The following AGBL1 variants were observed in gnomAD, a reference collection of about 807,000 sequenced individuals.
The protein encoded by AGBL1 is AGBL carboxypeptidase 1.
AGBL1 carries 130 observed loss-of-function variants against 118.9 expected under a neutral mutation model. The observed-to-expected ratio is 1.09, with a 90% CI of 0.95 to 1.26. The LOEUF is 1.26. AGBL1 is among the 50% of genes most tolerant of loss of function. The pLI, the probability that AGBL1 is intolerant of heterozygous loss-of-function variation, is 0.00. For synonymous variants in AGBL1, 555 were observed against 478.9 expected (o/e 1.16, Z -2.08); for missense variants, 1,584 against 1,298.1 (o/e 1.22, Z -3.38).
intron 22 of AGBL1, among the ~76,000 whole-genome samples, chr15:86,826,006 C>T (rs1371839593): frequency 1.3e-5 from 2 of 148,678 alleles, no homozygotes; most frequent in Admixed American, 6.8e-5. Context: ...AGGTACCTTT[C>T]ATTGAGTTCC....
chr15:86,832,070 C>A (rs1291391985), intron 22 of AGBL1, among the ~76,000 whole-genome samples: 1 of 152,216 alleles, frequency 6.6e-6, no homozygotes, highest in African/African-American at 2.4e-5. Flanking sequence ...TCTATGTCGG[C>A]CCCTTTTAAC....
chr15:86,317,902 A>C (rs1311104901), intron 17 of AGBL1, among the ~76,000 whole-genome samples: 1 of 152,206 alleles, frequency 6.6e-6, no homozygotes, highest in Non-Finnish European at 1.5e-5. Flanking sequence ...TTCATATTTA[A>C]ATGGAAAGGT....
chr15:86,239,629 A>G (rs2078610005), intron 6 of AGBL1, among the ~76,000 whole-genome samples: 1 of 152,198 alleles, frequency 6.6e-6, no homozygotes, highest in African/African-American at 2.4e-5. Context: ...TCAAAGAACC[A>G]TAGGCTATTT....
At chr15:86,440,615 T>C (rs1447596835) in intron 18 of AGBL1, among the ~76,000 whole-genome samples, 1 of 152,154 alleles carries the variant, frequency 6.6e-6, no homozygotes, top group Non-Finnish European at 1.5e-5. Flanking sequence ...GTTGATTTTC[T>C]TACTAGACAA....
At chr15:86,801,940 A>G (rs561153931) in intron 22 of AGBL1, among the ~76,000 whole-genome samples, 5 of 152,300 alleles carry the variant, frequency 3.3e-5, no homozygotes, top group African/African-American at 1.2e-4. Context: ...AAGATGAGAA[A>G]TGATCAAGCC....
intron 6 of AGBL1, 135 bp from the exon 7 acceptor site, chr15:86,247,536 G>T (rs1008635917): frequency 1.0e-6 from 1 of 985,092 alleles, no homozygotes; most frequent in Non-Finnish European, 1.6e-6. Flanking sequence ...GGTGACATCT[G>T]CCAGTTTTCA....
At chr15:86,888,606 G>A (rs140854326) in intron 22 of AGBL1, among the ~76,000 whole-genome samples, 16 of 152,214 alleles carry the variant, frequency 1.1e-4, no homozygotes, top group Non-Finnish European at 2.2e-4. Context: ...TGGTCCTAAA[G>A]CTCAGCGTGA....
chr15:86,843,278 A>G (rs1445334910), intron 22 of AGBL1, among the ~76,000 whole-genome samples: 1 of 152,166 alleles, frequency 6.6e-6, no homozygotes, highest in Non-Finnish European at 1.5e-5. Flanking sequence ...AGAGAGAGTC[A>G]TGGATGTTCC....
chr15:86,785,401 G>A (rs2078396239), intron 22 of AGBL1, among the ~76,000 whole-genome samples: 1 of 143,854 alleles, frequency 7.0e-6, no homozygotes, highest in Non-Finnish European at 1.5e-5. Context: ...TTGAGATGGA[G>A]TGTTGCTCTG....
chr15:86,566,632 T>C (rs761011826), intron 21 of AGBL1, among the ~76,000 whole-genome samples: 2 of 152,058 alleles, frequency 1.3e-5, no homozygotes, highest in Non-Finnish European at 2.9e-5. Context: ...ACACAGTTCT[T>C]TGGACTTGCG....
intron 22 of AGBL1, among the ~76,000 whole-genome samples, chr15:86,758,435 A>G (rs2077973861): frequency 6.6e-6 from 1 of 152,068 alleles, no homozygotes; most frequent in Non-Finnish European, 1.5e-5. Context: ...ATACCATGCA[A>G]ATTGTTATTT....
At chr15:86,339,240 G>A (rs1403769582) in intron 17 of AGBL1, among the ~76,000 whole-genome samples, 1 of 152,112 alleles carries the variant, frequency 6.6e-6, no homozygotes, top group Non-Finnish European at 1.5e-5. Context: ...TCCCCGATAG[G>A]TAAGGTGTTA....
intron 1 of AGBL1, among the ~76,000 whole-genome samples, chr15:86,119,352 G>A (rs1162778982): frequency 1.3e-5 from 2 of 150,822 alleles, no homozygotes; most frequent in African/African-American, 4.9e-5. Flanking sequence ...TTTTTTTTTG[G>A]CACACCTCAG....
chr15:87,024,707 C>T (rs1247553815), intron 24 of AGBL1, among the ~76,000 whole-genome samples: 5 of 151,958 alleles, frequency 3.3e-5, no homozygotes, highest in Admixed American at 6.6e-5. Context: ...ACCAATATCC[C>T]TGATGAACAT....
chr15:86,109,275 A>G (rs1017119759), intron 1 of AGBL1, among the ~76,000 whole-genome samples: 3 of 152,232 alleles, frequency 2.0e-5, no homozygotes, highest in East Asian at 1.9e-4. Flanking sequence ...ATAATACAAA[A>G]CTACAAATAC....
At chr15:86,640,848 A>G (rs1014228525) in intron 21 of AGBL1, among the ~76,000 whole-genome samples, 8 of 152,154 alleles carry the variant, frequency 5.3e-5, no homozygotes, top group Non-Finnish European at 8.8e-5. Context: ...AAGAGTCTAG[A>G]AGATTGCCTC....
At chr15:86,239,930 A>G (rs1472780353) in intron 6 of AGBL1, among the ~76,000 whole-genome samples, 2 of 152,230 alleles carry the variant, frequency 1.3e-5, no homozygotes, top group Non-Finnish European at 2.9e-5. Flanking sequence ...CAAGGTATAT[A>G]TATAGGCACG....
chr15:86,376,566 A>T (rs2081043365), intron 17 of AGBL1, among the ~76,000 whole-genome samples: 2 of 152,226 alleles, frequency 1.3e-5, no homozygotes, highest in African/African-American at 4.8e-5. Flanking sequence ...GGTGTAAAGT[A>T]TTCCCAACCA....
At chr15:86,847,338 A>G (rs558357483) in intron 22 of AGBL1, among the ~76,000 whole-genome samples, 3 of 152,250 alleles carry the variant, frequency 2.0e-5, no homozygotes, top group African/African-American at 7.2e-5. Flanking sequence ...CAGAATTCTT[A>G]CTGAAAGCTG....
Sources: gnomAD v4.1 joint callset for allele counts (sites outside exome capture counted in the v4.1 genomes callset) on GRCh38, gnomAD v4.1.1 for gene constraint, MANE v1.5 for transcripts, NCBI Gene and HGNC (gene_info 2026-07-23, HGNC 2026-07-21) for gene names.